Variants in DNER observed in about 807,000 individuals in gnomAD.
The protein encoded by DNER is delta and Notch-like epidermal growth factor-related receptor.
In DNER, 33 loss-of-function variants were observed where a neutral mutation model predicts 78.2. The ratio of observed to expected loss-of-function variants is 0.42; its 90% confidence interval spans 0.32 to 0.56. The LOEUF (loss-of-function observed/expected upper bound fraction) is 0.56. DNER is among the 20% of genes least tolerant of loss of function. The pLI is 0.11. For synonymous variants in DNER, 417 were observed against 384.8 expected (o/e 1.08, Z -0.98); for missense variants, 918 against 975.3 (o/e 0.94, Z 0.78).
chr2:229,523,561 T>C (rs565303981), intron 5 of DNER, among the ~76,000 whole-genome samples: 2 of 152,194 alleles, frequency 1.3e-5, no homozygotes, highest in African/African-American at 4.8e-5. Context: ...TGACCTCATT[T>C]CACTTTACCT....
chr2:229,676,821 C>G (rs1699308298), intron 1 of DNER, among the ~76,000 whole-genome samples: 1 of 152,168 alleles, frequency 6.6e-6, no homozygotes. Context: ...CTCTCCATTT[C>G]ATGAACTCAT....
At chr2:229,519,409 T>C (rs1232547379) in intron 5 of DNER, among the ~76,000 whole-genome samples, 1 of 152,186 alleles carries the variant, frequency 6.6e-6, no homozygotes, top group African/African-American at 2.4e-5. Context: ...CTTTTTTTGA[T>C]ATCCCAGTGA....
intron 1 of DNER, among the ~76,000 whole-genome samples, chr2:229,703,080 C>T (rs1699775126): frequency 6.6e-6 from 1 of 151,944 alleles, no homozygotes; most frequent in Non-Finnish European, 1.5e-5. Flanking sequence ...CTAGAGTAAC[C>T]AAAATAATTT....
chr2:229,434,910 A>T (rs1422214356), intron 8 of DNER, among the ~76,000 whole-genome samples: 1 of 76,214 alleles, frequency 1.3e-5, no homozygotes, highest in African/African-American at 7.7e-5. Context: ...GAGACAATTT[A>T]TATATATATA....
chr2:229,490,927 A>G (rs552992748), intron 6 of DNER, among the ~76,000 whole-genome samples: 1 of 152,224 alleles, frequency 6.6e-6, no homozygotes, highest in East Asian at 1.9e-4. Context: ...ATAAATGCAC[A>G]TATTTTAAAA....
At chr2:229,528,961 G>A (rs564034414) in intron 5 of DNER, among the ~76,000 whole-genome samples, 11 of 152,300 alleles carry the variant, frequency 7.2e-5, no homozygotes, top group African/African-American at 1.9e-4. Context: ...CAGTGGGACT[G>A]ACGTCTCATT....
At chr2:229,498,015 G>GA (rs1281413707) in intron 6 of DNER, among the ~76,000 whole-genome samples, 1 of 151,494 alleles carries the variant, frequency 6.6e-6, no homozygotes, top group Non-Finnish European at 1.5e-5. Flanking sequence ...GAACATAGAA[G>GA]AAAAAATTCT....
chr2:229,568,713 C>T (rs1229112748), intron 4 of DNER, among the ~76,000 whole-genome samples: 2 of 151,998 alleles, frequency 1.3e-5, no homozygotes, highest in South Asian at 2.1e-4. Context: ...CCAAGCTATA[C>T]GTTTCCTTTT....
chr2:229,592,758 C>T (rs1393927420), intron 1 of DNER, among the ~76,000 whole-genome samples: 2 of 152,166 alleles, frequency 1.3e-5, no homozygotes, highest in Non-Finnish European at 2.9e-5. Context: ...TTCTCAGCAC[C>T]TGTTCAATTA....
At chr2:229,545,993 C>T (rs1231465220) in intron 5 of DNER, among the ~76,000 whole-genome samples, 1 of 152,206 alleles carries the variant, frequency 6.6e-6, no homozygotes, top group Admixed American at 6.5e-5. Flanking sequence ...TCTTCCATTT[C>T]TCTTGATTGT....
At chr2:229,550,233 T>A (rs1269280483) in intron 4 of DNER, among the ~76,000 whole-genome samples, 1 of 151,876 alleles carries the variant, frequency 6.6e-6, no homozygotes, top group Non-Finnish European at 1.5e-5. Context: ...CCTCAAGTGA[T>A]CCTCCCGCCT....
chr2:229,416,110 A>T (rs1693645023), intron 9 of DNER, among the ~76,000 whole-genome samples: 2 of 152,076 alleles, frequency 1.3e-5, no homozygotes, highest in South Asian at 4.1e-4. Flanking sequence ...CTTCTTCTGG[A>T]GCACCCATCG....
At chr2:229,672,162 T>C (rs927037745) in intron 1 of DNER, among the ~76,000 whole-genome samples, 1 of 152,120 alleles carries the variant, frequency 6.6e-6, no homozygotes, top group African/African-American at 2.4e-5. Flanking sequence ...GAATAGCTCA[T>C]CTCTCCTCCA....
chr2:229,712,245 C>A (rs563756071), intron 1 of DNER, among the ~76,000 whole-genome samples: 15 of 152,306 alleles, frequency 9.8e-5, no homozygotes, highest in African/African-American at 3.6e-4. Flanking sequence ...TGTATTAGTT[C>A]CTGACTCTTC....
At chr2:229,508,730 A>T (rs948141314) in intron 6 of DNER, among the ~76,000 whole-genome samples, 9 of 149,164 alleles carry the variant, frequency 6.0e-5, no homozygotes, top group African/African-American at 2.3e-4. Context: ...AAATACAAAA[A>T]ATTAGCCGGG....
intron 5 of DNER, among the ~76,000 whole-genome samples, chr2:229,540,589 G>T (rs1574892697): frequency 1.3e-5 from 2 of 152,186 alleles, no homozygotes; most frequent in African/African-American, 4.8e-5. Flanking sequence ...CAAAGTAACT[G>T]GTTCGAGTCA....
At chr2:229,684,147 A>AT (rs1699439797) in intron 1 of DNER, among the ~76,000 whole-genome samples, 4 of 84,286 alleles carry the variant, frequency 4.7e-5, no homozygotes, top group African/African-American at 2.1e-4. Flanking sequence ...TGTGTATGTG[A>AT]GAGAGAGAGA....
chr2:229,403,444 G>A (rs1332288291), intron 10 of DNER, among the ~76,000 whole-genome samples: 2 of 152,296 alleles, frequency 1.3e-5, no homozygotes, highest in Admixed American at 1.3e-4. Context: ...CACGTGGGAT[G>A]TATCATGTCC....
chr2:229,608,015 C>G (rs1183613975), intron 1 of DNER, among the ~76,000 whole-genome samples: 3 of 99,806 alleles, frequency 3.0e-5, no homozygotes, highest in African/African-American at 4.0e-5. Flanking sequence ...GAGCGAAACT[C>G]TGTCTCAAAA....
Sources: gnomAD v4.1 joint callset for allele counts (sites outside exome capture counted in the v4.1 genomes callset) on GRCh38, gnomAD v4.1.1 for gene constraint, MANE v1.5 for transcripts, NCBI Gene and HGNC (gene_info 2026-07-23, HGNC 2026-07-21) for gene names.